KIR3DL3: variants seen among roughly 807,000 people sequenced by gnomAD.
KIR3DL3 encodes the protein killer cell immunoglobulin like receptor, three Ig domains and long cytoplasmic tail 3.
In KIR3DL3, 27 loss-of-function variants were observed where a neutral mutation model predicts 34.9. The ratio of observed to expected loss-of-function variants is 0.77; its 90% CI spans 0.57 to 1.07. The LOEUF (loss-of-function observed/expected upper bound fraction) is 1.07, where lower values mean the gene tolerates loss of function less well. Ranked by LOEUF, KIR3DL3 falls within the 50% of genes least tolerant of loss-of-function variation. The pLI is 0.00. For synonymous variants in KIR3DL3, 217 were observed against 200.2 expected (o/e 1.08, Z -0.71); for missense variants, 681 against 528.5 (o/e 1.29, Z -2.83).
At chr19:54,727,294 G>A in intron 3 of KIR3DL3, among the ~76,000 whole-genome samples, 1 of 123,364 alleles carries the variant, frequency 8.1e-6, no homozygotes, top group African/African-American at 2.9e-5. Context: ...GCCTGGACAT[G>A]CAGCCTGTCA....
Position 54,729,569 on chromosome 19 carries a change from C to A in KIR3DL3, c.732C>A (p.Cys244Ter), listed in dbSNP as rs2068578533. 8.1e-6 allele frequency: 13 copies of A among 1,607,282 alleles called. No homozygotes were observed. Among genetic ancestry groups the A allele is most frequent in the East Asian group, 2.2e-5 (1 of 44,482 alleles). Reference protein sequence around the residue: ...VQAGENVTLSCSSRSLFDIYH... With the variant: ...VQAGENVTLS ...CAGGAGAGAATGTGACCTTGTCCTGCAGCTCCCGGAGCTTGTTTGACATTT... is the reference window on the plus strand; with the variant it reads ...CAGGAGAGAATGTGACCTTGTCCTGAAGCTCCCGGAGCTTGTTTGACATTT... Residue 244 changes from cysteine (C) to a stop codon, truncating the protein, a stop_gained, in exon 5 of 8, where the codon TGC becomes TGA. Coordinates refer to ENST00000291860, the MANE Select transcript of KIR3DL3 (RefSeq NM_153443.5). LOFTEE classifies it high-confidence loss of function.
intron 3 of KIR3DL3, among the ~76,000 whole-genome samples, chr19:54,726,609 G>T (rs977738260): frequency 1.4e-5 from 2 of 146,472 alleles, no homozygotes; most frequent in African/African-American, 5.0e-5. Context: ...TTGACCTTGC[G>T]ATGGGGAGAC....
chr19:54,725,319 C>G, intron 2 of KIR3DL3, 37 bp downstream of exon 2: 3 of 1,502,628 alleles, frequency 2.0e-6, no homozygotes, highest in Non-Finnish European at 2.7e-6. Context: ...TGTCATCTCC[C>G]CACATAAGAT....
In KIR3DL3 at chr19:54,726,351, T is replaced by C; in HGVS notation, c.355+14T>C. ...TCATGGTCACAGGTCAGAGGCTTTC[T>C]GTCTGGGCTTCTCACTGTCCCACCT... On this transcript the variant is annotated intron_variant, in intron 3 of 7. Coordinates refer to ENST00000291860, the MANE Select transcript of KIR3DL3 (RefSeq NM_153443.5). The C allele has an allele frequency of 6.2e-7, 1 of 1,609,988 alleles. No homozygotes were observed. Among genetic ancestry groups the C allele is most frequent in the Non-Finnish European group, 8.5e-7 (1 of 1,178,728 alleles).
intron 5 of KIR3DL3, among the ~76,000 whole-genome samples, chr19:54,731,167 G>T (rs1182586475): frequency 6.6e-6 from 1 of 151,616 alleles, no homozygotes; most frequent in African/African-American, 2.4e-5. Context: ...CACCACACTC[G>T]GCTAATTTTT....
Position 54,725,957 on chromosome 19 carries a change from C to T in KIR3DL3, c.71-96C>T, listed in dbSNP as rs2068111261. ...CCTGGGCACCCAGGTGTGGTAGGAG[C>T]CTTAGAAACGTGGAAATGGGAGAAT... is the stretch of plus-strand genomic sequence containing the variant. On this transcript the variant is annotated intron_variant, in intron 2 of 7. Transcript: ENST00000291860. The T allele has an allele frequency of 7.3e-6, 9 of 1,228,444 alleles. No homozygotes were observed. The South Asian group carries it at 1.1e-4, about 15-fold the overall frequency. 76.1% of individuals were successfully genotyped at this position (1,228,444 alleles called of 1,614,324 possible).
intron 5 of KIR3DL3, among the ~76,000 whole-genome samples, chr19:54,734,605 C>T (rs1256892666): frequency 1.3e-5 from 2 of 149,316 alleles, no homozygotes; most frequent in Non-Finnish European, 3.0e-5. Flanking sequence ...GGATGTTCCT[C>T]CTGATCTCAG....
At position 54,725,281 on chromosome 19, in the gene KIR3DL3, G is replaced by T; in HGVS notation, c.69G>T (p.Val23=). 1 of 1,583,360 alleles carries T rather than the reference G, an allele frequency of 6.3e-7. No individual in the cohort carries two copies. Among genetic ancestry groups the T allele is most frequent in the African/African-American group, 1.4e-5 (1 of 74,020 alleles). Reference sequence around the variant, plus strand: ...TGCTGGAGGGGCCCTGGCCACATGTGGGTGAGTCCTTCCCCCAAACCTTAG... The same window carrying T: ...TGCTGGAGGGGCCCTGGCCACATGTTGGTGAGTCCTTCCCCCAAACCTTAG... ...FFLLEGPWPH[V]GGQDKPFLSA... The change falls in exon 2 of 8, where the codon GTG becomes GTT. Residue 23 remains valine, a splice_region_variant and synonymous_variant. Coordinates refer to ENST00000291860, the MANE Select transcript of KIR3DL3 (RefSeq NM_153443.5).
chr19:54,736,202 A>C lies in KIR3DL3; in HGVS notation c.*106A>C. 2.0e-6 allele frequency: 3 copies of C among 1,520,232 alleles called. No individual in the cohort carries two copies. The highest frequency in any genetic ancestry group is 2.3e-5 in the South Asian group (2 of 88,280). The allele number at this position is 1,520,232 out of a possible 1,614,324, so 94.2% of individuals were successfully genotyped here. A position where few individuals can be genotyped will look rare whatever the true frequency, so the allele number is the denominator to read the frequency against. On this transcript the variant is annotated 3_prime_UTR_variant, in exon 8 of 8. Coordinates refer to ENST00000291860, the MANE Select transcript of KIR3DL3 (RefSeq NM_153443.5). The stretch of plus-strand genomic sequence containing the variant: ...TCTAGGGAGACAATAGCCCTGTCTC[A>C]AAACCGGGTTGCCAGCTCCCATGTA...
chr19:54,728,971 T>C (rs1207924013), intron 4 of KIR3DL3, among the ~76,000 whole-genome samples: 1 of 134,180 alleles, frequency 7.5e-6, no homozygotes, highest in African/African-American at 2.6e-5. Context: ...GACAGACAGA[T>C]GATATATAAA....
chr19:54,730,857 A>T (rs1457412674), intron 5 of KIR3DL3, among the ~76,000 whole-genome samples: 3 of 152,214 alleles, frequency 2.0e-5, no homozygotes, highest in Non-Finnish European at 4.4e-5. Flanking sequence ...GTTGATCCAC[A>T]TCTTGGCTAC....
In KIR3DL3 at chr19:54,731,048, C is replaced by T. The variant is rs1600201725; in HGVS notation, c.949+1262C>T. 4.0e-5 allele frequency among the ~76,000 whole-genome samples: 6 copies of T among 151,528 alleles called. No individual in the cohort carries two copies. The East Asian group carries it at 9.7e-4, about 25-fold the overall frequency. ...TTTTAGACTGTTTCACTCTTGTTGC[C>T]CAGGCTGGAGTGCAGTGGCGCCATC... On this transcript the variant is annotated intron_variant, in intron 5 of 7. Coordinates refer to ENST00000291860, the MANE Select transcript of KIR3DL3 (RefSeq NM_153443.5).
Position 54,736,218 on chromosome 19 carries a change from C to A in KIR3DL3, c.*122C>A, listed in dbSNP as rs1288157042. The A allele has an allele frequency of 9.6e-6, 13 of 1,350,892 alleles. No homozygotes were observed. The Admixed American group carries it at 2.3e-4, about 24-fold the overall frequency. 83.7% of individuals were successfully genotyped at this position (1,350,892 alleles called of 1,614,324 possible). A position where few individuals can be genotyped will look rare whatever the true frequency, so the allele number is the denominator to read the frequency against. On this transcript the variant is annotated 3_prime_UTR_variant, in exon 8 of 8. Transcript: ENST00000291860. ...CCCTGTCTCAAAACCGGGTTGCCAG[C>A]TCCCATGTACCAGCAGCTGGACTCT...
In KIR3DL3 at chr19:54,726,269, G is replaced by T; in HGVS notation, c.287G>T (p.Cys96Phe). The T allele has an allele frequency of 6.2e-7, 1 of 1,613,992 alleles. No individual in the cohort carries two copies. The highest frequency in any genetic ancestry group is 8.5e-7 in the Non-Finnish European group (1 of 1,179,992). The change falls in exon 3 of 8, where the codon TGC becomes TTC. Residue 96 changes from cysteine to phenylalanine, a missense_variant. Cys to Phe is a radical substitution (Grantham distance 205). Transcript: ENST00000291860. Reference sequence around the variant, plus strand: ...GCACATGCAGGGACCTACAGATGTTGCAGTTCACACCCACACTCCCCCACT... The same window carrying T: ...GCACATGCAGGGACCTACAGATGTTTCAGTTCACACCCACACTCCCCCACT... ...TPAHAGTYRCCSSHPHSPTGW... is the reference protein window; with the variant it reads ...TPAHAGTYRCFSSHPHSPTGW...
At chr19:54,726,911 G>T (rs1453754813) in intron 3 of KIR3DL3, among the ~76,000 whole-genome samples, 1 of 125,388 alleles carries the variant, frequency 8.0e-6, no homozygotes, top group East Asian at 2.2e-4. Flanking sequence ...AGTGGAAGAG[G>T]TCATTGTATT....
In KIR3DL3 at chr19:54,727,901, G is replaced by T. The variant is rs757092065; in HGVS notation, c.646G>T (p.Val216Leu). 3.1e-6 allele frequency: 5 copies of T among 1,608,332 alleles called. No homozygotes were observed. Among genetic ancestry groups the T allele is most frequent in the Non-Finnish European group, 4.3e-6 (5 of 1,176,190 alleles). Residue 216 changes from valine to leucine, a missense_variant, in exon 4 of 8, where the codon GTG (valine) becomes TTG (leucine). Val to Leu is a conservative substitution (Grantham distance 32). Coordinates refer to ENST00000291860, the MANE Select transcript of KIR3DL3 (RefSeq NM_153443.5). ...GGCTCCCAGTGACCCTCTGGACATC[G>T]TGGTCGTAGGTGAGAGAATACAGAC... ...LSAPSDPLDI[V>L]VVGLYGKPSL... is the part of the protein sequence containing the mutation.
intron 1 of KIR3DL3, 79 bp downstream of exon 1, chr19:54,724,609 G>T: frequency 6.3e-7 from 1 of 1,593,898 alleles, no homozygotes; most frequent in Admixed American, 1.7e-5. Flanking sequence ...GGCCTGGAGT[G>T]GAGATATGGG....
chr19:54,730,963 G>A (rs1173717911), intron 5 of KIR3DL3, among the ~76,000 whole-genome samples: 1 of 152,258 alleles, frequency 6.6e-6, no homozygotes, highest in African/African-American at 2.4e-5. Flanking sequence ...GGAATTGCTA[G>A]ATCCTCTGGA....
At position 54,736,161 on chromosome 19, in the gene KIR3DL3, G is replaced by A. The variant is rs2069583495; in HGVS notation, c.*65G>A. The A allele has an allele frequency of 3.1e-6, 5 of 1,593,448 alleles. No individual in the cohort carries two copies. Among genetic ancestry groups the A allele is most frequent in the Non-Finnish European group, 4.3e-6 (5 of 1,167,320 alleles). ...CTTCTGTCCACTAGCACCACAGTCA[G>A]GCCTTGATGGGATCTTCTAGGGAGA... is the stretch of plus-strand genomic sequence containing the variant. On this transcript the variant is annotated 3_prime_UTR_variant, in exon 8 of 8. Coordinates refer to ENST00000291860, the MANE Select transcript of KIR3DL3 (RefSeq NM_153443.5).
Sources: allele counts gnomAD v4.1 joint callset (sites outside exome capture counted in the v4.1 genomes callset), GRCh38; gene constraint gnomAD v4.1.1; transcripts MANE v1.5; gene names NCBI Gene and HGNC (gene_info 2026-07-23, HGNC 2026-07-21).